Variants in PIGN observed in about 807,000 individuals in gnomAD.
PIGN encodes the protein GPI ethanolamine phosphate transferase 1.
A neutral mutation model predicts 125.4 loss-of-function variants in PIGN; 117 were observed. That is an observed-to-expected ratio of 0.93 (90% CI 0.80 to 1.09). PIGN has a LOEUF of 1.09. Ranked by LOEUF, PIGN falls within the 50% of genes least tolerant of loss-of-function variation. The pLI, the probability that PIGN is intolerant of heterozygous loss-of-function variation, is 0.00. For synonymous variants in PIGN, 392 were observed against 377.8 expected, an observed-to-expected ratio of 1.04 and a Z score of -0.44; for missense variants, 1,075 against 1,094.9, an observed-to-expected ratio of 0.98 and a Z score of 0.26.
Position 62,140,458 on chromosome 18 carries a change from T to A in PIGN, c.985A>T (p.Thr329Ser). 6.4e-7 allele frequency: 1 copy of A among 1,555,800 alleles called. No individual in the cohort carries two copies. Among genetic ancestry groups the A allele is most frequent in the Non-Finnish European group, 8.8e-7 (1 of 1,137,940 alleles). ...GGAAAGGGAACTCCAATAAGGGAAGTCATCAATGGTGCAATATCAGCCTAC... is the reference window on the plus strand; with the variant it reads ...GGAAAGGGAACTCCAATAAGGGAAGACATCAATGGTGCAATATCAGCCTAC... Reference protein sequence around the residue: ...VNQADIAPLMTSLIGVPFPLN... With the variant: ...VNQADIAPLMSSLIGVPFPLN... Residue 329 changes from threonine (T) to serine (S), a missense_variant, in exon 12 of 31, where the codon ACT becomes TCT. Physicochemically the swap from Thr to Ser is moderately conservative, Grantham distance 58. Coordinates refer to ENST00000640252, the MANE Select transcript of PIGN (RefSeq NM_176787.5).
At position 62,096,516 on chromosome 18, in the gene PIGN, C is replaced by CTTTTTTTTTTTTTTTTT. The variant is rs398033140; in HGVS notation, c.2078-583_2078-567dup. Among the ~76,000 whole-genome samples the CTTTTTTTTTTTTTTTTT allele has an allele frequency of 2.1e-4, 18 of 85,668 alleles. 1 individual carries two copies. Among genetic ancestry groups the CTTTTTTTTTTTTTTTTT allele is most frequent in the Admixed American group, 3.0e-4 (2 of 6,722 alleles). 56.2% of individuals were successfully genotyped at this position (85,668 alleles called of 152,430 possible). A position where few individuals can be genotyped will look rare whatever the true frequency, so the allele number is the denominator to read the frequency against. On this transcript the variant is annotated intron_variant, in intron 22 of 30. Coordinates refer to ENST00000640252, the MANE Select transcript of PIGN (RefSeq NM_176787.5). ...TATTAACTCAAAAATGAATTATTTT[C>CTTTTTTTTTTTTTTTTT]TTTTTTTTTTTTTTTTTTTTTTTTT... is the stretch of plus-strand genomic sequence containing the variant.
Position 62,054,455 on chromosome 18 carries a change from G to A in PIGN, c.2673-8476C>T, listed in dbSNP as rs1323626266. On this transcript the variant is annotated intron_variant, in intron 30 of 30. Coordinates refer to ENST00000640252, the MANE Select transcript of PIGN (RefSeq NM_176787.5). ...ACAGACTGGGATAAAACACTTGCAA[G>A]CCACACATTCAACAAAATACTTTTT... 6.1e-5 allele frequency among the ~76,000 whole-genome samples: 9 copies of A among 147,762 alleles called. No individual in the cohort carries two copies. In the East Asian group the frequency reaches 1.6e-3, roughly 26 times the overall value.
At chr18:62,072,798 G>A in intron 29 of PIGN, 73 bp from the exon 30 acceptor site, 1 of 1,133,048 alleles carries the variant, frequency 8.8e-7, no homozygotes, top group Non-Finnish European at 1.3e-6. Context: ...GCTATTTTAG[G>A]ACTGTATGTT....
intron 8 of PIGN, among the ~76,000 whole-genome samples, chr18:62,147,438 A>G (rs919669611): frequency 1.3e-5 from 2 of 152,210 alleles, no homozygotes; most frequent in Non-Finnish European, 2.9e-5. Flanking sequence ...CATTACAAGT[A>G]TCATTTCAAG....
At chr18:62,100,989 A>G (rs1458788373) in intron 22 of PIGN, 86 bp downstream of exon 22, 1 of 734,050 alleles carries the variant, frequency 1.4e-6, no homozygotes, top group East Asian at 2.5e-5. Flanking sequence ...ATTTCTTTCA[A>G]TAACAATGAT....
chr18:62,071,224 C>A (rs773614480), intron 30 of PIGN, among the ~76,000 whole-genome samples: 1 of 152,114 alleles, frequency 6.6e-6, no homozygotes, highest in African/African-American at 2.4e-5. Context: ...ATACTGCAAC[C>A]GGAACAACCT....
chr18:62,112,985 G>A, intron 16 of PIGN, 149 bp downstream of exon 16: 1 of 462,462 alleles, frequency 2.2e-6, no homozygotes. Context: ...AGAGATAACT[G>A]AGGAAAAATC....
At chr18:62,137,219 G>A (rs930228121) in intron 14 of PIGN, 18 of 401,090 alleles carry the variant, frequency 4.5e-5, no homozygotes, top group Admixed American at 3.5e-4. Context: ...ATCAGACTCC[G>A]AATTCTTCAG....
chr18:62,088,785 G>C lies in PIGN; in HGVS notation c.2341C>G (p.Leu781Val). 6.4e-7 allele frequency: 1 copy of C among 1,565,516 alleles called. No individual in the cohort carries two copies. Among genetic ancestry groups the C allele is most frequent in the African/African-American group, 1.4e-5 (1 of 73,960 alleles). The change falls in exon 25 of 31, where the codon CTG (leucine) becomes GTG (valine). Residue 781 changes from leucine (L) to valine (V), a missense_variant. Transcript: ENST00000640252. ...AAAAAGGCCCTACGGATGTCATCCA[G>C]ATATAGCTGTCGAAACTGAGTTATA... Reference protein sequence around the residue: ...TDITQFRQLYLDDIRRAFFLV... With the variant: ...TDITQFRQLYVDDIRRAFFLV...
chr18:62,018,581 T>G (rs867950023), intron 23 of PIGN, among the ~76,000 whole-genome samples: 1 of 152,214 alleles, frequency 6.6e-6, no homozygotes, highest in Non-Finnish European at 1.5e-5. Context: ...TACATACCTT[T>G]ACCTTGTGCT....
chr18:62,085,175 G>GTT (rs1181308751), intron 26 of PIGN, 34 bp downstream of exon 26: 6 of 1,192,710 alleles, frequency 5.0e-6, no homozygotes, highest in East Asian at 5.1e-5. Flanking sequence ...TTATTTTTTA[G>GTT]TTATATATAT....
Position 62,143,313 on chromosome 18 carries a change from A to C in PIGN, c.956T>G (p.Val319Gly). ...WRLENWKRLD[V>G]NQADIAPLMT... ...TAAAATCGAACTGGATACCTGATTG[A>C]CATCTAGCCTCTTCCAATTCTCCAA... The change falls in exon 11 of 31, where the codon GTC (valine) becomes GGC (glycine). Residue 319 changes from valine (V) to glycine (G), a missense_variant. Val to Gly is a moderately radical substitution (Grantham distance 109). This residue lies in a region of PIGN where 915 missense variants were observed against 908.7 expected (regional missense o/e 1.01). Coordinates refer to ENST00000640252, the MANE Select transcript of PIGN (RefSeq NM_176787.5). The C allele has an allele frequency of 1.3e-6, 2 of 1,511,614 alleles. No individual in the cohort carries two copies. The highest frequency in any genetic ancestry group is 1.8e-6 in the Non-Finnish European group (2 of 1,100,240). The allele number at this position is 1,511,614 out of a possible 1,614,324, so 93.6% of individuals were successfully genotyped here. A position where few individuals can be genotyped will look rare whatever the true frequency, so the allele number is the denominator to read the frequency against.
rs147961420 is a variant in PIGN at position 62,141,366 on chromosome 18, A to G, written c.964-887T>C. Among the ~76,000 whole-genome samples, 250 of 152,304 alleles carry G rather than the reference A, an allele frequency of 1.6e-3. 1 individual carries two copies. The highest frequency in any genetic ancestry group is 5.6e-3 in the African/African-American group (232 of 41,570). ...TAAGCCTGTGATAATGGTAGCTACA[A>G]TTGTTGCTGGCATTACTAGGCCTTT... On this transcript the variant is annotated intron_variant, in intron 11 of 30. Transcript: ENST00000640252.
chr18:62,138,140 T>C, intron 14 of PIGN, 103 bp downstream of exon 14: 1 of 1,443,712 alleles, frequency 6.9e-7, no homozygotes, highest in Non-Finnish European at 9.3e-7. Flanking sequence ...GTATATAAAA[T>C]GGCAAACTGT....
chr18:62,038,293 TC>T (rs1443200949), downstream of PIGN, among the ~76,000 whole-genome samples: 2 of 142,492 alleles, frequency 1.4e-5, no homozygotes, highest in African/African-American at 5.0e-5. Context: ...ATCAGTGAAT[TC>T]AATCCCCCTC....
Position 62,078,094 on chromosome 18 carries a change from G to A in PIGN, c.2577-3273C>T, listed in dbSNP as rs183235526. On this transcript the variant is annotated intron_variant, in intron 28 of 30. Coordinates refer to ENST00000640252, the MANE Select transcript of PIGN (RefSeq NM_176787.5). ...AATTTAGTCATATTCTGAGGTACTT[G>A]GGGGTCAGGACTTCAACATAAGAAT... 9.7e-4 allele frequency among the ~76,000 whole-genome samples: 147 copies of A among 152,248 alleles called. 1 individual carries two copies. Among genetic ancestry groups the A allele is most frequent in the African/African-American group, 3.4e-3 (143 of 41,540 alleles).
chr18:62,113,113 C>A (rs763065328), intron 16 of PIGN, 21 bp downstream of exon 16: 1 of 1,570,146 alleles, frequency 6.4e-7, no homozygotes, highest in South Asian at 1.1e-5. Flanking sequence ...TCATCTGAAT[C>A]CTCACATTTT....
chr18:62,161,453 G>C (rs2036950470), intron 3 of PIGN, 68 bp from the exon 4 acceptor site: 1 of 678,766 alleles, frequency 1.5e-6, no homozygotes, highest in African/African-American at 1.8e-5. Context: ...CACATATTTT[G>C]ATGATCACAA....
At chr18:62,057,635 T>G (rs542825835) in intron 30 of PIGN, among the ~76,000 whole-genome samples, 1 of 152,304 alleles carries the variant, frequency 6.6e-6, no homozygotes, top group East Asian at 1.9e-4. Flanking sequence ...GCAAATAAAA[T>G]AACTTTCTGC....
Sources: gnomAD v4.1 joint callset for allele counts (sites outside exome capture counted in the v4.1 genomes callset) on GRCh38, gnomAD v4.1.1 for gene constraint, gnomAD v4.1.1 regional missense constraint, MANE v1.5 for transcripts, NCBI Gene and HGNC (gene_info 2026-07-23, HGNC 2026-07-21) for gene names.